Variants in FOXN3 observed in about 807,000 individuals in gnomAD.
The protein encoded by FOXN3 is forkhead box N3, also known as forkhead box protein N3.
A neutral mutation model predicts 38.4 loss-of-function variants in FOXN3; 7 were observed. That is an observed-to-expected ratio of 0.18 (90% CI 0.10 to 0.34). The LOEUF (loss-of-function observed/expected upper bound fraction) is 0.34, where lower values mean the gene tolerates loss of function less well. FOXN3 is among the 10% of genes least tolerant of loss of function. The probability of loss-of-function intolerance (pLI) is 1.00; values close to 1 mark genes in which losing one functional copy is unlikely to be tolerated. For missense variants in FOXN3, 456 were observed against 613.4 expected (o/e 0.74, Z 2.71); for synonymous variants, 230 against 242.2 (o/e 0.95, Z 0.47).
At chr14:89,290,245 AG>A in intron 3 of FOXN3, 1 of 326,602 alleles carries the variant, frequency 3.1e-6, no homozygotes, top group Non-Finnish European at 6.1e-6. Context: ...TGAACTGCTC[AG>A]GGACAGGAAA....
chr14:89,243,409 T>A (rs1035341165), intron 4 of FOXN3, among the ~76,000 whole-genome samples: 1 of 152,228 alleles, frequency 6.6e-6, no homozygotes, highest in Non-Finnish European at 1.5e-5. Context: ...GCCTGCCCGA[T>A]GCAAGCAGCA....
rs114589797 is a variant in FOXN3, at chr14:89,309,833, G to A, written c.681-28819C>T. Among the ~76,000 whole-genome samples, 975 of 152,344 alleles carry A rather than the reference G, an allele frequency of 6.4e-3. 7 individuals are homozygous for A. Among genetic ancestry groups the A allele is most frequent in the African/African-American group, 0.022 (915 of 41,570 alleles). ...AGCTCTGCCAAGAGTGACCGATGGCGTTGGCTGCCTGGGGCTCTCAGTCTG... is the reference window on the plus strand; with the variant it reads ...AGCTCTGCCAAGAGTGACCGATGGCATTGGCTGCCTGGGGCTCTCAGTCTG... On this transcript the variant is annotated intron_variant, in intron 3 of 5. Transcript: ENST00000557258.
intron 1 of FOXN3, among the ~76,000 whole-genome samples, chr14:89,518,287 C>T (rs1265031684): frequency 6.6e-6 from 1 of 152,184 alleles, no homozygotes; most frequent in Non-Finnish European, 1.5e-5. Flanking sequence ...AGTAAAACTT[C>T]TATGTGCTTC....
chr14:89,398,637 A>T (rs1891161633), intron 2 of FOXN3, among the ~76,000 whole-genome samples: 1 of 152,094 alleles, frequency 6.6e-6, no homozygotes, highest in African/African-American at 2.4e-5. Flanking sequence ...TTCTGAGGGG[A>T]CAGAGGGAAA....
chr14:89,199,818 C>T (rs1161949954), intron 4 of FOXN3, among the ~76,000 whole-genome samples: 1 of 152,096 alleles, frequency 6.6e-6, no homozygotes. Flanking sequence ...GCAGGAGAAT[C>T]ACTGGAATCC....
chr14:89,583,367 C>A (rs1393885619), intron 1 of FOXN3, among the ~76,000 whole-genome samples: 1 of 152,164 alleles, frequency 6.6e-6, no homozygotes, highest in Non-Finnish European at 1.5e-5. Context: ...GAGGGGCTTT[C>A]AGGAGTAGGT....
At chr14:89,307,931 T>A (rs1381996601) in intron 3 of FOXN3, among the ~76,000 whole-genome samples, 1 of 152,236 alleles carries the variant, frequency 6.6e-6, no homozygotes, top group Non-Finnish European at 1.5e-5. Context: ...GTTTTGTCAG[T>A]ATTTGCATTT....
chr14:89,411,039 G>A (rs1002035654), intron 2 of FOXN3, among the ~76,000 whole-genome samples: 2 of 152,218 alleles, frequency 1.3e-5, no homozygotes, highest in African/African-American at 4.8e-5. Flanking sequence ...GAACGGGGCT[G>A]CACAGCAGGA....
At chr14:89,415,604 C>CAAAAAAAAAAAAAAAAAAAA (rs34026101) in intron 1 of FOXN3, among the ~76,000 whole-genome samples, 2 of 54,274 alleles carry the variant, frequency 3.7e-5, no homozygotes, top group African/African-American at 1.1e-4. Flanking sequence ...CAACAATAAC[C>CAAAAAAAAAAAAAAAAAAAA]AAAAAAAAAA....
Position 89,565,377 on chromosome 14 carries a change from T to C in FOXN3, c.-15+53651A>G, listed in dbSNP as rs550868390. Reference sequence around the variant, plus strand: ...CTTTCCCACCCAGTTTGTGGCACTTTTGTTATGGCAACCCAGAGAAACAAA... The same window carrying C: ...CTTTCCCACCCAGTTTGTGGCACTTCTGTTATGGCAACCCAGAGAAACAAA... On this transcript the variant is annotated intron_variant, in intron 1 of 6. Coordinates refer to the FOXN3 transcript ENST00000345097. Among the ~76,000 whole-genome samples, 139 of 152,262 alleles carry C rather than the reference T, an allele frequency of 9.1e-4. 1 individual carries two copies. The Middle Eastern group carries it at 0.014, about 15-fold the overall frequency.
At chr14:89,345,391 T>C (rs1460424616) in intron 3 of FOXN3, among the ~76,000 whole-genome samples, 4 of 151,648 alleles carry the variant, frequency 2.6e-5, no homozygotes, top group Admixed American at 2.0e-4. Flanking sequence ...GTTACAAAGA[T>C]AGCACAGAAA....
intron 4 of FOXN3, among the ~76,000 whole-genome samples, chr14:89,203,418 T>C (rs1400433583): frequency 6.6e-6 from 1 of 152,160 alleles, no homozygotes; most frequent in Non-Finnish European, 1.5e-5. Flanking sequence ...AAGGCCCAGA[T>C]CTGTTCTCCC....
Position 89,162,311 on chromosome 14 carries a change from G to GA in FOXN3, c.*102dup, listed in dbSNP as rs1261510394. On this transcript the variant is annotated 3_prime_UTR_variant, in exon 6 of 6. Coordinates refer to ENST00000557258, the MANE Select transcript of FOXN3 (RefSeq NM_005197.4). The surrounding 1 kb of genome is among the most constrained non-coding windows in gnomAD (Gnocchi z 7.2). ...AGAAAGAAAACCAAACCAAAAACAA[G>GA]AAAAAAGAAAAAAAATTGCTGATAT... The GA allele has an allele frequency of 8.7e-6, 9 of 1,034,844 alleles. No individual in the cohort carries two copies. The highest frequency in any genetic ancestry group is 2.7e-5 in the East Asian group (1 of 37,400). 64.1% of individuals were successfully genotyped at this position (1,034,844 alleles called of 1,614,324 possible).
chr14:89,335,808 T>TA (rs992949636), intron 3 of FOXN3, among the ~76,000 whole-genome samples: 24 of 152,246 alleles, frequency 1.6e-4, no homozygotes, highest in African/African-American at 4.8e-4. Flanking sequence ...TAATTTTTTT[T>TA]AAAAAAACTA....
intron 4 of FOXN3, among the ~76,000 whole-genome samples, chr14:89,191,523 G>C (rs17125470): frequency 6.6e-6 from 1 of 152,234 alleles, no homozygotes; most frequent in East Asian, 1.9e-4. Flanking sequence ...GCTCGCACTT[G>C]TCAGTTTTTG....
At chr14:89,556,718 C>T (rs1279423756) in intron 1 of FOXN3, among the ~76,000 whole-genome samples, 2 of 152,144 alleles carry the variant, frequency 1.3e-5, no homozygotes, top group African/African-American at 4.8e-5. Flanking sequence ...TGGCTACTGA[C>T]AAGGAATGCC....
intron 5 of FOXN3, among the ~76,000 whole-genome samples, chr14:89,168,765 C>T (rs1457091989): frequency 6.6e-6 from 1 of 152,146 alleles, no homozygotes; most frequent in Non-Finnish European, 1.5e-5. Flanking sequence ...AGAAAGCCAA[C>T]ACGTCCCATG....
At chr14:89,450,026 C>A (rs1179777448) in intron 1 of FOXN3, among the ~76,000 whole-genome samples, 1 of 152,234 alleles carries the variant, frequency 6.6e-6, no homozygotes, top group Non-Finnish European at 1.5e-5. Flanking sequence ...CACCTTGTTC[C>A]TAAGCCACTG....
intron 2 of FOXN3, among the ~76,000 whole-genome samples, chr14:89,363,947 A>AATAAATAT (rs1198064384): frequency 9.0e-6 from 1 of 111,400 alleles, no homozygotes; most frequent in African/African-American, 5.2e-5. Context: ...CTGTCTGTAA[A>AATAAATAT]ATATATATAT....
Sources: allele counts gnomAD v4.1 joint callset (sites outside exome capture counted in the v4.1 genomes callset), GRCh38; gene constraint gnomAD v4.1.1; non-coding constraint Gnocchi (gnomAD v3.1); transcripts MANE v1.5; gene names NCBI Gene and HGNC (gene_info 2026-07-23, HGNC 2026-07-21).